The following PRDM2 variants were observed in gnomAD, a reference collection of about 807,000 sequenced individuals.
PRDM2 encodes the protein PR domain zinc finger protein 2.
In PRDM2, 30 loss-of-function variants were observed where a neutral mutation model predicts 130.0. The observed-to-expected ratio is 0.23, with a 90% CI of 0.17 to 0.31. PRDM2 has a LOEUF of 0.31. Among genes scored for constraint, PRDM2 ranks in the 10% least tolerant of loss-of-function variants. The pLI, the probability that PRDM2 is intolerant of heterozygous loss-of-function variation, is 1.00. For missense variants in PRDM2, 2,011 were observed against 2,108.4 expected (o/e 0.95, Z 0.90); for synonymous variants, 871 against 782.4 (o/e 1.11, Z -1.89).
chr1:13,780,816 C>A lies in PRDM2; in HGVS notation c.3021C>A (p.Cys1007Ter). The A allele has an allele frequency of 6.2e-7, 1 of 1,600,668 alleles. No homozygotes were observed. The highest frequency in any genetic ancestry group is 8.5e-7 in the Non-Finnish European group (1 of 1,171,190). ...APSSSASPHP[C>*]PSPLSNATAQ... ...CTTCCAGTGCATCTCCACACCCATG[C>A]CCCTCTCCACTCTCAAATGCCACCG... Residue 1007 changes from cysteine (C) to a stop codon, truncating the protein, a stop_gained, in exon 8 of 10, where the codon TGC becomes TGA. Transcript: ENST00000311066. LOFTEE classifies it high-confidence loss of function.
chr1:13,736,368 C>T (rs190522995), intron 4 of PRDM2, among the ~76,000 whole-genome samples: 8 of 152,070 alleles, frequency 5.3e-5, no homozygotes, highest in Non-Finnish European at 8.8e-5. Flanking sequence ...GCGATCTGCC[C>T]GTCTCAGCCT....
chr1:13,742,588 T>C (rs1643480104), intron 5 of PRDM2, among the ~76,000 whole-genome samples: 1 of 152,232 alleles, frequency 6.6e-6, no homozygotes. Flanking sequence ...AAGTGCTTTA[T>C]CCACACTCTT....
Position 13,779,759 on chromosome 1 carries a change from A to G in PRDM2, c.1964A>G (p.Asp655Gly). Residue 655 changes from aspartate (D) to glycine (G), a missense_variant, in exon 8 of 10, where the codon GAC (aspartate) becomes GGC (glycine). Asp to Gly is a moderately conservative substitution (Grantham distance 94). This residue lies in a region of PRDM2 where 1,288 missense variants were observed against 1,237.7 expected (regional missense o/e 1.04). Coordinates refer to ENST00000311066, the MANE Select transcript of PRDM2 (RefSeq NM_001393986.1). The surrounding 1 kb of genome is among the most constrained non-coding windows in gnomAD (Gnocchi z 4.9). Reference sequence around the variant, plus strand: ...CTGCCCAAAATTAAGGCCGAAACAGACTCTGACCCCATGGTCCCCTCTTGC... The same window carrying G: ...CTGCCCAAAATTAAGGCCGAAACAGGCTCTGACCCCATGGTCCCCTCTTGC... ...PALPKIKAET[D>G]SDPMVPSCSL... The G allele has an allele frequency of 1.9e-6, 3 of 1,614,064 alleles. No homozygotes were observed. In the South Asian group the frequency reaches 3.3e-5, roughly 18 times the overall value.
chr1:13,735,308 G>A (rs183176148), intron 4 of PRDM2, among the ~76,000 whole-genome samples: 13 of 152,304 alleles, frequency 8.5e-5, no homozygotes, highest in Admixed American at 7.2e-4. Context: ...AGAAGAGAGC[G>A]TTCTTCGATG....
chr1:13,804,520 G>C (rs1393703816), intron 8 of PRDM2, among the ~76,000 whole-genome samples: 3 of 152,100 alleles, frequency 2.0e-5, no homozygotes, highest in African/African-American at 7.2e-5. Context: ...GCCTCTCCCA[G>C]GGATCTTCTT....
Position 13,779,148 on chromosome 1 carries a change from T to G in PRDM2, c.1353T>G (p.Leu451=). 6.2e-7 allele frequency: 1 copy of G among 1,614,202 alleles called. No individual in the cohort carries two copies. The highest frequency in any genetic ancestry group is 1.1e-5 in the South Asian group (1 of 91,086). Residue 451 remains leucine, a synonymous_variant, in exon 8 of 10, where the codon CTT becomes CTG. Transcript: ENST00000311066. This position sits in a 1 kb window ranked among gnomAD's most constrained non-coding sequence, Gnocchi z 4.9. ...AAGATGATTCGAGTCCTCCCAGTCTTGGGCCAGACTGTCTGATCATGAATT... is the reference window on the plus strand; with the variant it reads ...AAGATGATTCGAGTCCTCCCAGTCTGGGGCCAGACTGTCTGATCATGAATT... The part of the protein sequence containing the change: ...ASKDDSSPPS[L]GPDCLIMNSE...
intron 4 of PRDM2, among the ~76,000 whole-genome samples, chr1:13,734,278 A>G (rs1306603322): frequency 3.3e-5 from 5 of 152,196 alleles, no homozygotes; most frequent in African/African-American, 1.2e-4. Context: ...TTGACCACAA[A>G]ATTATGCTCC....
rs1175625511 is a variant in PRDM2 at position 13,780,656 on chromosome 1, C to T, written c.2861C>T (p.Pro954Leu). 1.9e-6 allele frequency: 3 copies of T among 1,612,604 alleles called. No individual in the cohort carries two copies. Among genetic ancestry groups the T allele is most frequent in the South Asian group, 1.1e-5 (1 of 90,984 alleles). The change falls in exon 8 of 10, where the codon CCC becomes CTC. Residue 954 changes from proline (P) to leucine (L), a missense_variant. By Grantham distance (98) the Pro-to-Leu change is moderately conservative. Coordinates refer to ENST00000311066, the MANE Select transcript of PRDM2 (RefSeq NM_001393986.1). Reference protein sequence around the residue: ...VCPSSPALQTPSLSSGQLPPL... With the variant: ...VCPSSPALQTLSLSSGQLPPL... ...CCTTCATCACCTGCCCTGCAGACAC[C>T]CTCCCTTTCATCCGGTCAGCTGCCT...
At chr1:13,796,873 C>G (rs1224369498) in intron 8 of PRDM2, among the ~76,000 whole-genome samples, 3 of 152,182 alleles carry the variant, frequency 2.0e-5, no homozygotes, top group Non-Finnish European at 4.4e-5. Context: ...GTATAATGGA[C>G]TGCTTTTTTT....
chr1:13,735,753 C>T (rs1643249209), intron 4 of PRDM2, among the ~76,000 whole-genome samples: 1 of 152,126 alleles, frequency 6.6e-6, no homozygotes, highest in South Asian at 2.1e-4. Flanking sequence ...TTTACATTAG[C>T]GGTCACTGTT....
chr1:13,740,810 C>T (rs933560301), intron 4 of PRDM2, among the ~76,000 whole-genome samples: 3 of 152,150 alleles, frequency 2.0e-5, no homozygotes, highest in Non-Finnish European at 1.5e-5. Context: ...AAGGTGGATG[C>T]TGCCCCTTGG....
intron 1 of PRDM2, among the ~76,000 whole-genome samples, chr1:13,709,599 G>C (rs1278723322): frequency 6.6e-6 from 1 of 152,150 alleles, no homozygotes; most frequent in Admixed American, 6.5e-5. Flanking sequence ...TTTGCCTTGA[G>C]AACTACTTTC....
At chr1:13,762,331 A>G (rs993712061) in intron 6 of PRDM2, among the ~76,000 whole-genome samples, 5 of 152,214 alleles carry the variant, frequency 3.3e-5, no homozygotes, top group Non-Finnish European at 5.9e-5. Context: ...TTGTGGACCA[A>G]ACTTACCTTG....
chr1:13,737,231 C>T (rs544449209), intron 4 of PRDM2, among the ~76,000 whole-genome samples: 3 of 152,216 alleles, frequency 2.0e-5, no homozygotes, highest in South Asian at 2.1e-4. Context: ...TTTATTACAG[C>T]GCTGGAGCTA....
At chr1:13,773,468 T>A (rs1644400869) in intron 7 of PRDM2, 1 of 199,242 alleles carries the variant, frequency 5.0e-6, no homozygotes. Context: ...TCCCAGCACT[T>A]TGGGAGGCTG....
intron 2 of PRDM2, among the ~76,000 whole-genome samples, chr1:13,718,899 T>G (rs6429794): frequency 0.75 from 113,460 of 151,986 alleles, 42,555 homozygotes; most frequent in African/African-American, 0.79. Flanking sequence ...TGGCTTTATC[T>G]CAGGAATGGT....
At chr1:13,795,610 A>G (rs967549766) in intron 8 of PRDM2, among the ~76,000 whole-genome samples, 2 of 152,234 alleles carry the variant, frequency 1.3e-5, no homozygotes, top group African/African-American at 4.8e-5. Flanking sequence ...GCAGATTTGA[A>G]GGAGCTGAAA....
At chr1:13,747,723 G>C (rs1643654566) in intron 5 of PRDM2, among the ~76,000 whole-genome samples, 1 of 143,826 alleles carries the variant, frequency 7.0e-6, no homozygotes, top group African/African-American at 2.6e-5. Flanking sequence ...ATGTTGAAGT[G>C]AGGAACTATT....
rs1247448469 is a variant in PRDM2 at position 13,779,800 on chromosome 1, C to T, written c.2005C>T (p.Leu669Phe). ...MVPSCSLSLP[L>F]SISTTEAVSF... The stretch of plus-strand genomic sequence containing the variant: ...CCCCTCTTGCTCTTTAAGTCTTCCT[C>T]TTAGCATATCAACAACAGAGGCAGT... The change falls in exon 8 of 10, where the codon CTT becomes TTT. Residue 669 changes from leucine to phenylalanine, a missense_variant. Leu to Phe is a conservative substitution (Grantham distance 22). Around this residue, in one of 5 missense-constraint regions of PRDM2, gnomAD observed 1,288 missense variants for 1,237.7 expected, o/e 1.04. Coordinates refer to ENST00000311066, the MANE Select transcript of PRDM2 (RefSeq NM_001393986.1). This position sits in a 1 kb window ranked among gnomAD's most constrained non-coding sequence, Gnocchi z 4.9. 2 of 1,614,212 alleles carry T rather than the reference C, an allele frequency of 1.2e-6. No homozygotes were observed. Among genetic ancestry groups the T allele is most frequent in the Admixed American group, 1.7e-5 (1 of 60,028 alleles).
Sources: gnomAD v4.1 joint callset for allele counts (sites outside exome capture counted in the v4.1 genomes callset) on GRCh38, gnomAD v4.1.1 for gene constraint, gnomAD v4.1.1 regional missense constraint, Gnocchi (gnomAD v3.1) non-coding constraint, MANE v1.5 for transcripts, NCBI Gene and HGNC (gene_info 2026-07-23, HGNC 2026-07-21) for gene names.